The following UTRN variants were observed in gnomAD, a reference collection of about 807,000 sequenced individuals.
The protein encoded by UTRN is utrophin.
A neutral mutation model predicts 463.9 loss-of-function variants in UTRN; 283 were observed. The ratio of observed to expected loss-of-function variants is 0.61; its 90% CI spans 0.55 to 0.67. UTRN has a LOEUF of 0.67. Ranked by LOEUF, UTRN falls within the 30% of genes least tolerant of loss-of-function variation. The probability of loss-of-function intolerance (pLI) is 0.00; values close to 1 mark genes in which losing one functional copy is unlikely to be tolerated. For missense variants in UTRN, 3,922 were observed against 4,084.3 expected, an observed-to-expected ratio of 0.96 and a Z score of 1.08; for synonymous variants, 1,442 against 1,431.5, an observed-to-expected ratio of 1.01 and a Z score of -0.17.
chr6:144,486,083 G>A (rs747008985), intron 28 of UTRN, among the ~76,000 whole-genome samples: 2 of 152,124 alleles, frequency 1.3e-5, no homozygotes, highest in East Asian at 1.9e-4. Context: ...CTTAATAACC[G>A]TTTCTTAAAT....
At chr6:144,494,642 T>A (rs2128581091) in intron 33 of UTRN, among the ~76,000 whole-genome samples, 1 of 152,274 alleles carries the variant, frequency 6.6e-6, no homozygotes, top group South Asian at 2.1e-4. Flanking sequence ...CGCTGATTGG[T>A]GCGTTTACAA....
chr6:144,693,627 G>A (rs1183063948), intron 52 of UTRN, among the ~76,000 whole-genome samples: 2 of 151,846 alleles, frequency 1.3e-5, no homozygotes, highest in African/African-American at 4.8e-5. Flanking sequence ...AGCTATACTC[G>A]TAAGTAATTT....
At chr6:144,579,251 A>G (rs1801729880) in intron 51 of UTRN, among the ~76,000 whole-genome samples, 1 of 152,236 alleles carries the variant, frequency 6.6e-6, no homozygotes, top group Admixed American at 6.5e-5. Context: ...TTGATAAAAT[A>G]TTTAGCCATC....
At chr6:144,349,841 A>T (rs1777955182) in intron 2 of UTRN, among the ~76,000 whole-genome samples, 1 of 152,172 alleles carries the variant, frequency 6.6e-6, no homozygotes, top group South Asian at 2.1e-4. Flanking sequence ...TTGGAGGGCC[A>T]TTCAGGGGAC....
At chr6:144,817,496 G>A (rs1387051577) in intron 65 of UTRN, among the ~76,000 whole-genome samples, 1 of 151,986 alleles carries the variant, frequency 6.6e-6, no homozygotes, top group Non-Finnish European at 1.5e-5. Flanking sequence ...TGGTAAGTGG[G>A]TGGTTCTCTT....
chr6:144,475,795 G>A (rs1251015332), intron 25 of UTRN, among the ~76,000 whole-genome samples: 2 of 151,996 alleles, frequency 1.3e-5, no homozygotes, highest in East Asian at 3.9e-4. Context: ...ATATTTTTGA[G>A]CCAGATGCAG....
At chr6:144,811,362 G>T (rs1471810103) in intron 65 of UTRN, among the ~76,000 whole-genome samples, 1 of 152,108 alleles carries the variant, frequency 6.6e-6, no homozygotes, top group Non-Finnish European at 1.5e-5. Context: ...GTGATGTGGG[G>T]TGTTTGCCAA....
intron 53 of UTRN, among the ~76,000 whole-genome samples, chr6:144,730,121 A>G (rs1788358612): frequency 6.6e-6 from 1 of 152,250 alleles, no homozygotes; most frequent in Non-Finnish European, 1.5e-5. Flanking sequence ...TTAAGTGAAT[A>G]TTTTAAAGCT....
intron 2 of UTRN, among the ~76,000 whole-genome samples, chr6:144,357,730 G>A (rs1029859126): frequency 3.9e-5 from 6 of 152,164 alleles, no homozygotes; most frequent in Admixed American, 6.5e-5. Context: ...TTGAATCCAC[G>A]TAGGTGTTTT....
At position 144,674,422 on chromosome 6, in the gene UTRN, TGCTC is replaced by T. The variant is rs753533954; in HGVS notation, c.7480-3983_7480-3980del. Among the ~76,000 whole-genome samples, 33 of 152,164 alleles carry T rather than the reference TGCTC, an allele frequency of 2.2e-4. No homozygotes were observed. In the East Asian group the frequency reaches 3.5e-3, roughly 16 times the overall value. On this transcript the variant is annotated intron_variant, in intron 51 of 74. Coordinates refer to ENST00000367545, the MANE Select transcript of UTRN (RefSeq NM_007124.3). Reference sequence around the variant, plus strand: ...AGCTCTAAAGTTTTTTTTTTCTACTTGCTCAATTCTCTTGAAACTTTCCAGTGTA... The same window carrying T: ...AGCTCTAAAGTTTTTTTTTTCTACTTAATTCTCTTGAAACTTTCCAGTGTA...
At chr6:144,513,575 G>A (rs997494961) in intron 35 of UTRN, among the ~76,000 whole-genome samples, 1 of 152,142 alleles carries the variant, frequency 6.6e-6, no homozygotes, top group African/African-American at 2.4e-5. Context: ...AAAGATTGAA[G>A]AGGGCAAATC....
At chr6:144,536,772 T>C (rs1228607173) in intron 43 of UTRN, among the ~76,000 whole-genome samples, 1 of 152,048 alleles carries the variant, frequency 6.6e-6, no homozygotes. Flanking sequence ...TTTTAATAGC[T>C]TTCAAATCCT....
intron 65 of UTRN, among the ~76,000 whole-genome samples, chr6:144,820,168 G>A (rs1470455979): frequency 6.6e-6 from 1 of 151,690 alleles, no homozygotes; most frequent in Admixed American, 6.6e-5. Context: ...TGATGGGGTG[G>A]GTGGGGTTGG....
At chr6:144,696,608 A>C (rs998386427) in intron 52 of UTRN, among the ~76,000 whole-genome samples, 2 of 152,186 alleles carry the variant, frequency 1.3e-5, no homozygotes, top group Non-Finnish European at 2.9e-5. Context: ...TGGACTAATA[A>C]AGGTATTTTC....
chr6:144,336,972 G>A (rs1294210503), intron 2 of UTRN, among the ~76,000 whole-genome samples: 1 of 152,076 alleles, frequency 6.6e-6, no homozygotes, highest in Non-Finnish European at 1.5e-5. Context: ...CCAAGTGGTG[G>A]CATCACTTGG....
chr6:144,828,940 C>G, intron 69 of UTRN, 85 bp downstream of exon 69: 1 of 1,461,084 alleles, frequency 6.8e-7, no homozygotes, highest in Non-Finnish European at 9.5e-7. Context: ...TGATGTGGCT[C>G]TGAATCTTGA....
chr6:144,699,473 G>GTTTTTTT lies in UTRN; in HGVS notation c.7653-593_7653-587dup, dbSNP rs71024902. The stretch of plus-strand genomic sequence containing the variant: ...AAATAATAATAATAATTAGTCAGTG[G>GTTTTTTT]TTTTTTTTTTTTTTTTTTTTTTTTT... On this transcript the variant is annotated intron_variant, in intron 52 of 74. Transcript: ENST00000367545. Among the ~76,000 whole-genome samples, 26 of 67,610 alleles carry GTTTTTTT rather than the reference G, an allele frequency of 3.8e-4. 2 individuals carry two copies. Among genetic ancestry groups the GTTTTTTT allele is most frequent in the East Asian group, 2.2e-3 (4 of 1,830 alleles). The allele number at this position is 67,610 out of a possible 152,430, so 44.4% of individuals were successfully genotyped here. A position where few individuals can be genotyped will look rare whatever the true frequency, so the allele number is the denominator to read the frequency against.
In UTRN at chr6:144,285,354, AAGCGGGC is replaced by A. The variant is rs1803579310; in HGVS notation, c.-556_-550del. On this transcript the variant is annotated 5_prime_UTR_variant, in exon 1 of 75. Transcript: ENST00000367545. ...GGAGTCGTTTTTCCTCGGAGCAGGG[AAGCGGGC>A]AGCAGCAGCCGGCCGCGGGCTTTCT... Among the ~76,000 whole-genome samples the A allele has an allele frequency of 6.7e-6, 1 of 150,170 alleles. No individual in the cohort carries two copies. The highest frequency in any genetic ancestry group is 6.6e-5 in the Admixed American group (1 of 15,060).
intron 54 of UTRN, among the ~76,000 whole-genome samples, chr6:144,744,823 T>C (rs1790531850): frequency 6.6e-6 from 1 of 152,220 alleles, no homozygotes; most frequent in South Asian, 2.1e-4. Context: ...TCATTTGCTC[T>C]CTGGCCTCCA....
Sources: allele counts gnomAD v4.1 joint callset (sites outside exome capture counted in the v4.1 genomes callset), GRCh38; gene constraint gnomAD v4.1.1; transcripts MANE v1.5; gene names NCBI Gene and HGNC (gene_info 2026-07-23, HGNC 2026-07-21).